The following MAG variants were observed in gnomAD, a reference collection of about 807,000 sequenced individuals.
MAG encodes the protein myelin associated glycoprotein, also known as myelin-associated glycoprotein.
A neutral mutation model predicts 60.7 loss-of-function variants in MAG; 30 were observed. The ratio of observed to expected loss-of-function variants is 0.49; its 90% CI spans 0.37 to 0.67. MAG has a LOEUF of 0.67. Among genes scored for constraint, MAG ranks in the 30% least tolerant of loss-of-function variants. The pLI is 0.00. For synonymous variants in MAG, 384 were observed against 376.8 expected, an observed-to-expected ratio of 1.02 and a Z score of -0.22; for missense variants, 795 against 851.7, an observed-to-expected ratio of 0.93 and a Z score of 0.83.
At chr19:35,309,830 G>T in intron 7 of MAG, 44 bp from the exon 8 acceptor site, 1 of 1,581,804 alleles carries the variant, frequency 6.3e-7, no homozygotes, top group Non-Finnish European at 8.6e-7. Flanking sequence ...GCCGGGCCTC[G>T]CGTTGGCTCC....
At chr19:35,298,314 C>T (rs912680761) in intron 4 of MAG, among the ~76,000 whole-genome samples, 21 of 149,142 alleles carry the variant, frequency 1.4e-4, no homozygotes, top group Admixed American at 1.1e-3. Flanking sequence ...CCACACAGTA[C>T]CCAAACCACA....
intron 10 of MAG, chr19:35,312,503 A>C (rs1381329630): frequency 3.1e-4 from 95 of 305,710 alleles, no homozygotes; most frequent in South Asian, 4.9e-4. Context: ...GTCTGTGGCC[A>C]CCGTCCTGTG....
chr19:35,304,011 A>G (rs144830823), intron 7 of MAG, among the ~76,000 whole-genome samples: 2 of 152,292 alleles, frequency 1.3e-5, no homozygotes, highest in Non-Finnish European at 2.9e-5. Flanking sequence ...CAAGTTTGCC[A>G]GAAGGTTCGA....
chr19:35,300,130 T>C lies in MAG; in HGVS notation c.713-17T>C. 1 of 1,515,232 alleles carries C rather than the reference T, an allele frequency of 6.6e-7. No homozygotes were observed. Among genetic ancestry groups the C allele is most frequent in the Admixed American group, 2.1e-5 (1 of 48,010 alleles). 93.9% of individuals were successfully genotyped at this position (1,515,232 alleles called of 1,614,324 possible). On this transcript the variant is annotated splice_polypyrimidine_tract_variant and intron_variant, in intron 5 of 10. Coordinates refer to ENST00000392213, the MANE Select transcript of MAG (RefSeq NM_002361.4). Reference sequence around the variant, plus strand: ...CCCAGCACCTGCTCACTAACCTCGCTGTGTCGCGGGCCTTAGACCCCCCGG... The same window carrying C: ...CCCAGCACCTGCTCACTAACCTCGCCGTGTCGCGGGCCTTAGACCCCCCGG...
chr19:35,312,537 G>A, intron 10 of MAG: 1 of 562,194 alleles, frequency 1.8e-6, no homozygotes, highest in Non-Finnish European at 3.2e-6. Context: ...GTGGCTAGGG[G>A]GTGGAGGGAG....
At chr19:35,304,994 C>G (rs563165932) in intron 7 of MAG, among the ~76,000 whole-genome samples, 1 of 152,318 alleles carries the variant, frequency 6.6e-6, no homozygotes, top group African/African-American at 2.4e-5. Context: ...CTCCTGTCTG[C>G]CCCAGCTGTT....
At chr19:35,310,245 A>T in intron 8 of MAG, 84 bp downstream of exon 8, 1 of 1,460,704 alleles carries the variant, frequency 6.8e-7, no homozygotes, top group Non-Finnish European at 9.3e-7. Context: ...ACCAACAGCC[A>T]CAGAGCATGG....
At chr19:35,312,072 G>A in intron 10 of MAG, 55 bp downstream of exon 10, 1 of 1,535,392 alleles carries the variant, frequency 6.5e-7, no homozygotes, top group Non-Finnish European at 9.0e-7. Flanking sequence ...GACACTGAAG[G>A]CCTGGGAAAG....
intron 10 of MAG, 139 bp from the exon 11 acceptor site, chr19:35,313,140 TCGCTGGGCCTG>T: frequency 2.9e-6 from 2 of 699,444 alleles, no homozygotes; most frequent in Non-Finnish European, 4.3e-6. Context: ...ACCGCAGGGC[TCGCTGGGCCTG>T]CGGTCCTTGA....
chr19:35,310,736 C>A, intron 9 of MAG, 93 bp downstream of exon 9: 1 of 1,050,842 alleles, frequency 9.5e-7, no homozygotes, highest in Non-Finnish European at 1.5e-6. Flanking sequence ...GGGAAGGCAG[C>A]ACCATAAGTG....
intron 10 of MAG, chr19:35,312,456 T>C: frequency 4.7e-6 from 3 of 639,390 alleles, no homozygotes; most frequent in Non-Finnish European, 8.1e-6. Context: ...CCGGCAGTGC[T>C]GGCCTTGTCT....
chr19:35,300,536 A>AG (rs2066441663), intron 6 of MAG, 132 bp downstream of exon 6: 3 of 1,171,754 alleles, frequency 2.6e-6, no homozygotes, highest in Non-Finnish European at 3.4e-6. Context: ...CAAGGTAGAC[A>AG]GGGGGGTTGC....
intron 1 of MAG, among the ~76,000 whole-genome samples, chr19:35,292,730 C>T (rs1022620641): frequency 6.6e-6 from 1 of 151,818 alleles, no homozygotes; most frequent in African/African-American, 2.4e-5. Flanking sequence ...GACTTTTCTT[C>T]ATTAATCCCC....
chr19:35,302,413 T>C (rs779624704), intron 6 of MAG, 35 bp from the exon 7 acceptor site: 1 of 1,608,310 alleles, frequency 6.2e-7, no homozygotes, highest in Admixed American at 1.7e-5. Flanking sequence ...AAGCACCTCC[T>C]GGGTTCTGAC....
At chr19:35,309,109 C>T (rs753220916) in intron 7 of MAG, among the ~76,000 whole-genome samples, 14 of 152,032 alleles carry the variant, frequency 9.2e-5, no homozygotes, top group Non-Finnish European at 2.1e-4. Context: ...AGAGCCAGGG[C>T]CCAGGAGAAA....
chr19:35,309,811 G>A (rs2066511932), intron 7 of MAG, 63 bp from the exon 8 acceptor site: 5 of 1,555,330 alleles, frequency 3.2e-6, no homozygotes, highest in Admixed American at 3.4e-5. Context: ...GAGCCAAGGA[G>A]TCTCCGGGGC....
At chr19:35,296,449 G>A (rs1264353919) in intron 4 of MAG, among the ~76,000 whole-genome samples, 17 of 152,212 alleles carry the variant, frequency 1.1e-4, no homozygotes, top group Admixed American at 1.1e-3. Flanking sequence ...CAGAAAGCAG[G>A]GCGGTGGCTG....
chr19:35,295,702 T>C lies in MAG; in HGVS notation c.136T>C (p.Phe46Leu). The C allele has an allele frequency of 6.2e-7, 1 of 1,613,622 alleles. No individual in the cohort carries two copies. The highest frequency in any genetic ancestry group is 8.5e-7 in the Non-Finnish European group (1 of 1,179,996). The change falls in exon 4 of 11, where the codon TTC becomes CTC. Residue 46 changes from phenylalanine to leucine, a missense_variant. Phe to Leu is a conservative substitution (Grantham distance 22). Coordinates refer to ENST00000392213, the MANE Select transcript of MAG (RefSeq NM_002361.4). This position sits in a 1 kb window ranked among gnomAD's most constrained non-coding sequence, Gnocchi z 5.8. ...TCVSIPCRFDFPDELRPAVVH... is the reference protein window; with the variant it reads ...TCVSIPCRFDLPDELRPAVVH... Reference sequence around the variant, plus strand: ...CGTCTCCATCCCCTGCCGCTTTGACTTCCCGGATGAGCTGCGGCCCGCTGT... The same window carrying C: ...CGTCTCCATCCCCTGCCGCTTTGACCTCCCGGATGAGCTGCGGCCCGCTGT...
In MAG at chr19:35,313,665, TA is replaced by T; in HGVS notation, c.*213del. 1.8e-6 allele frequency: 1 copy of T among 551,312 alleles called. No homozygotes were observed. The highest frequency in any genetic ancestry group is 3.2e-6 in the Non-Finnish European group (1 of 308,074). The allele number at this position is 551,312 out of a possible 1,614,324, so 34.2% of individuals were successfully genotyped here. ...CCACGCCCTCATTACGGCTCCTCTC[TA>T]ACCTCCTTTACCCTCATCTGTCTGG... On this transcript the variant is annotated 3_prime_UTR_variant, in exon 11 of 11. Coordinates refer to ENST00000392213, the MANE Select transcript of MAG (RefSeq NM_002361.4).
Sources: gnomAD v4.1 joint callset for allele counts (sites outside exome capture counted in the v4.1 genomes callset) on GRCh38, gnomAD v4.1.1 for gene constraint, Gnocchi (gnomAD v3.1) non-coding constraint, MANE v1.5 for transcripts, NCBI Gene and HGNC (gene_info 2026-07-23, HGNC 2026-07-21) for gene names.